The following ESRRG variants were observed in gnomAD, a reference collection of about 807,000 sequenced individuals.
The protein encoded by ESRRG is estrogen-related receptor gamma.
ESRRG carries 13 observed loss-of-function variants against 44.0 expected under a neutral mutation model. The observed-to-expected ratio is 0.30, with a 90% CI of 0.19 to 0.47. The LOEUF (loss-of-function observed/expected upper bound fraction) is 0.47, where lower values mean the gene tolerates loss of function less well. ESRRG is among the 20% of genes least tolerant of loss of function. The probability of loss-of-function intolerance (pLI) is 1.00; values close to 1 mark genes in which losing one functional copy is unlikely to be tolerated. For missense variants in ESRRG, 395 were observed against 580.6 expected (o/e 0.68, Z 3.29); for synonymous variants, 215 against 214.6 (o/e 1.00, Z -0.02).
chr1:216,760,711 CAGA>C (rs2092721531), intron 2 of ESRRG, among the ~76,000 whole-genome samples: 1 of 152,046 alleles, frequency 6.6e-6, no homozygotes, highest in African/African-American at 2.4e-5. Flanking sequence ...GCAGAGGGAT[CAGA>C]AGAAGGAGGG....
At chr1:216,766,469 G>T (rs2093083076) in intron 2 of ESRRG, among the ~76,000 whole-genome samples, 1 of 151,780 alleles carries the variant, frequency 6.6e-6, no homozygotes, top group Non-Finnish European at 1.5e-5. Flanking sequence ...TCCAAATTTG[G>T]GGATTACTAA....
intron 3 of ESRRG, among the ~76,000 whole-genome samples, chr1:216,583,556 A>T (rs1002039194): frequency 3.9e-5 from 6 of 152,192 alleles, no homozygotes; most frequent in African/African-American, 1.4e-4. Context: ...CAGGGGCTTC[A>T]TGGCTGGCCT....
chr1:217,113,571 T>C (rs1404159900), intron 1 of ESRRG, among the ~76,000 whole-genome samples: 1 of 152,110 alleles, frequency 6.6e-6, no homozygotes, highest in Admixed American at 6.5e-5. Context: ...AATGCTACAA[T>C]AGAAAGAGAC....
At chr1:216,706,306 A>T (rs1356404891) in intron 1 of ESRRG, among the ~76,000 whole-genome samples, 1 of 152,190 alleles carries the variant, frequency 6.6e-6, no homozygotes, top group Non-Finnish European at 1.5e-5. Flanking sequence ...TTTGCAAAAA[A>T]ACCCACAAAC....
rs2041244146 is a variant in ESRRG at position 216,506,529 on chromosome 1, C to T, written c.*410G>A. 4 of 390,588 alleles carry T rather than the reference C, an allele frequency of 1.0e-5. No individual in the cohort carries two copies. The highest frequency in any genetic ancestry group is 6.2e-5 in the Admixed American group (2 of 32,106). 24.2% of individuals were successfully genotyped at this position (390,588 alleles called of 1,614,324 possible). On this transcript the variant is annotated 3_prime_UTR_variant, in exon 7 of 7. Transcript: ENST00000408911. ...GGGGAAGGGAGGATTTTTTTTTAAACTAAAGCTATTTCAAATTTAGAAAAA... is the reference window on the plus strand; with the variant it reads ...GGGGAAGGGAGGATTTTTTTTTAAATTAAAGCTATTTCAAATTTAGAAAAA...
intron 2 of ESRRG, among the ~76,000 whole-genome samples, chr1:216,802,594 T>C (rs891974227): frequency 2.0e-5 from 3 of 152,090 alleles, no homozygotes; most frequent in Admixed American, 6.6e-5. Context: ...AGCAGAGTAG[T>C]AAACCAAGCA....
At chr1:216,762,962 G>C (rs1264541192) in intron 2 of ESRRG, among the ~76,000 whole-genome samples, 1 of 151,970 alleles carries the variant, frequency 6.6e-6, no homozygotes, top group Non-Finnish European at 1.5e-5. Context: ...TGTAACAAAT[G>C]ATTTTTGGAT....
chr1:216,788,002 C>T lies in ESRRG; in HGVS notation c.-13-110511G>A, dbSNP rs539965260. On this transcript the variant is annotated intron_variant, in intron 2 of 7. Transcript: ENST00000359162. Reference sequence around the variant, plus strand: ...GGAAGGCTGAGAGAAATGAGGAAGCCGCAGAAGAAAAGTTGGGGCTATCAC... The same window carrying T: ...GGAAGGCTGAGAGAAATGAGGAAGCTGCAGAAGAAAAGTTGGGGCTATCAC... Among the ~76,000 whole-genome samples the T allele has an allele frequency of 3.1e-4, 47 of 152,082 alleles. 1 individual carries two copies. Among genetic ancestry groups the T allele is most frequent in the African/African-American group, 6.3e-4 (26 of 41,492 alleles).
chr1:216,793,246 C>A (rs545187739), intron 2 of ESRRG, among the ~76,000 whole-genome samples: 1 of 152,128 alleles, frequency 6.6e-6, no homozygotes, highest in Non-Finnish European at 1.5e-5. Flanking sequence ...AGGATTTCCC[C>A]CAATGATTCC....
intron 1 of ESRRG, among the ~76,000 whole-genome samples, chr1:217,049,446 A>G (rs952772395): frequency 6.6e-6 from 1 of 150,952 alleles, no homozygotes; most frequent in African/African-American, 2.5e-5. Context: ...TGTCTCTTTG[A>G]AGACCAAAGC....
At chr1:216,780,150 G>T (rs769859211) in intron 2 of ESRRG, among the ~76,000 whole-genome samples, 5 of 151,930 alleles carry the variant, frequency 3.3e-5, no homozygotes, top group Admixed American at 3.3e-4. Flanking sequence ...CATAGCCAAT[G>T]ATTAAACCTT....
intron 1 of ESRRG, among the ~76,000 whole-genome samples, chr1:217,081,965 T>G (rs1245343252): frequency 6.6e-6 from 1 of 152,190 alleles, no homozygotes; most frequent in African/African-American, 2.4e-5. Flanking sequence ...GTTTCCAAAG[T>G]CAGTCACTTG....
intron 2 of ESRRG, among the ~76,000 whole-genome samples, chr1:216,867,962 C>T (rs1055917049): frequency 1.3e-5 from 2 of 152,000 alleles, no homozygotes; most frequent in African/African-American, 4.8e-5. Context: ...CTGTCTCCAG[C>T]ACTACAATTT....
intron 1 of ESRRG, among the ~76,000 whole-genome samples, chr1:217,040,286 T>C (rs1370909540): frequency 6.6e-6 from 1 of 152,156 alleles, no homozygotes; most frequent in East Asian, 1.9e-4. Flanking sequence ...TGAGTTCAAA[T>C]TCTGTCTCTT....
intron 1 of ESRRG, among the ~76,000 whole-genome samples, chr1:216,713,747 C>A (rs2084161768): frequency 6.6e-6 from 1 of 152,100 alleles, no homozygotes; most frequent in Non-Finnish European, 1.5e-5. Context: ...TCAAAAGCAC[C>A]CCTCCTATTT....
chr1:216,586,988 G>A (rs1381112430), intron 3 of ESRRG, among the ~76,000 whole-genome samples: 1 of 152,104 alleles, frequency 6.6e-6, no homozygotes, highest in Non-Finnish European at 1.5e-5. Flanking sequence ...CCTGTATTAT[G>A]AGTAAGTGTT....
chr1:217,133,613 C>CTT (rs140970334), intron 1 of ESRRG, among the ~76,000 whole-genome samples: 1 of 17,918 alleles, frequency 5.6e-5, no homozygotes, highest in East Asian at 1.3e-3. Context: ...TTTTTTCTTT[C>CTT]TTTCTTTCTT....
rs1414926581 is a variant in ESRRG at position 217,026,910 on chromosome 1, C to CAGAGAGAGAGAG, written c.-106+62596_-106+62597insCTCTCTCTCTCT. On this transcript the variant is annotated intron_variant, in intron 1 of 7. Coordinates refer to the ESRRG transcript ENST00000359162. Reference sequence around the variant, plus strand: ...ACATACACACACACACACACACACACACAGAGAGAGAGAGAGAGAGAGAGA... The same window carrying CAGAGAGAGAGAG: ...ACATACACACACACACACACACACACAGAGAGAGAGAGACAGAGAGAGAGAGAGAGAGAGAGA... Among the ~76,000 whole-genome samples the CAGAGAGAGAGAG allele has an allele frequency of 8.5e-3, 824 of 97,104 alleles. 6 individuals are homozygous for CAGAGAGAGAGAG. Among genetic ancestry groups the CAGAGAGAGAGAG allele is most frequent in the Non-Finnish European group, 0.014 (641 of 47,350 alleles). 63.7% of individuals were successfully genotyped at this position (97,104 alleles called of 152,430 possible).
intron 3 of ESRRG, among the ~76,000 whole-genome samples, chr1:216,573,259 AAAG>A (rs1206050074): frequency 2.0e-5 from 3 of 152,016 alleles, no homozygotes; most frequent in African/African-American, 7.2e-5. Flanking sequence ...AATATTATGC[AAAG>A]AATATGTCAA....
Sources: gnomAD v4.1 joint callset for allele counts (sites outside exome capture counted in the v4.1 genomes callset) on GRCh38, gnomAD v4.1.1 for gene constraint, MANE v1.5 for transcripts, NCBI Gene and HGNC (gene_info 2026-07-23, HGNC 2026-07-21) for gene names.